The following ZBTB7C variants were observed in gnomAD, a reference collection of about 807,000 sequenced individuals.
ZBTB7C encodes zinc finger and BTB domain containing 7C.
A neutral mutation model predicts 25.7 loss-of-function variants in ZBTB7C; 8 were observed. That is an observed-to-expected ratio of 0.31 (90% CI 0.18 to 0.56). The LOEUF (loss-of-function observed/expected upper bound fraction) is 0.56. Ranked by LOEUF, ZBTB7C falls within the 20% of genes least tolerant of loss-of-function variation. ZBTB7C has a pLI of 0.91. For synonymous variants in ZBTB7C, 394 were observed against 369.0 expected, an observed-to-expected ratio of 1.07 and a Z score of -0.78; for missense variants, 824 against 855.2, an observed-to-expected ratio of 0.96 and a Z score of 0.46.
At chr18:48,269,853 G>C (rs999116280) in intron 2 of ZBTB7C, among the ~76,000 whole-genome samples, 2 of 152,162 alleles carry the variant, frequency 1.3e-5, no homozygotes, top group African/African-American at 4.8e-5. Flanking sequence ...GAGATCTCTA[G>C]TCCACACTGG....
intron 3 of ZBTB7C, among the ~76,000 whole-genome samples, chr18:48,171,248 G>A (rs1488835368): frequency 2.0e-5 from 3 of 152,170 alleles, no homozygotes; most frequent in Admixed American, 6.5e-5. Flanking sequence ...CTTCTTCCCC[G>A]AGCTGGCTGA....
chr18:48,306,408 A>G (rs1452196516), intron 2 of ZBTB7C, among the ~76,000 whole-genome samples: 1 of 152,224 alleles, frequency 6.6e-6, no homozygotes, highest in African/African-American at 2.4e-5. Context: ...CACTTTAAAC[A>G]TATGTAAGTG....
intron 3 of ZBTB7C, among the ~76,000 whole-genome samples, chr18:48,111,446 A>G (rs1351385297): frequency 6.6e-6 from 1 of 151,900 alleles, no homozygotes; most frequent in African/African-American, 2.4e-5. Context: ...ACTTTAAGAG[A>G]CTCCTTCTAT....
At chr18:48,204,314 AC>A (rs2042528578) in intron 2 of ZBTB7C, among the ~76,000 whole-genome samples, 1 of 151,466 alleles carries the variant, frequency 6.6e-6, no homozygotes, top group African/African-American at 2.4e-5. Flanking sequence ...GAACCTACCC[AC>A]CCCATTCCAC....
chr18:48,051,071 G>GT, intron 3 of ZBTB7C, among the ~76,000 whole-genome samples: 1 of 152,240 alleles, frequency 6.6e-6, no homozygotes, highest in Non-Finnish European at 1.5e-5. Flanking sequence ...GTATGAGGCT[G>GT]TATCCCCTGT....
At chr18:48,255,886 C>A (rs1005009367) in intron 2 of ZBTB7C, among the ~76,000 whole-genome samples, 1 of 152,122 alleles carries the variant, frequency 6.6e-6, no homozygotes, top group Admixed American at 6.5e-5. Flanking sequence ...TTGTTCCCTC[C>A]ACCCTCCCCT....
intron 2 of ZBTB7C, among the ~76,000 whole-genome samples, chr18:48,330,927 G>A (rs1261428859): frequency 1.3e-5 from 2 of 152,152 alleles, no homozygotes; most frequent in Non-Finnish European, 2.9e-5. Context: ...CAAGGGCAGT[G>A]TTCCAACCAA....
intron 3 of ZBTB7C, among the ~76,000 whole-genome samples, chr18:48,097,806 C>A (rs184923607): frequency 6.6e-6 from 1 of 152,274 alleles, no homozygotes; most frequent in African/African-American, 2.4e-5. Flanking sequence ...CTGTAACAAA[C>A]CTTTGTATCC....
chr18:48,217,714 A>G (rs1273218809), intron 2 of ZBTB7C, among the ~76,000 whole-genome samples: 2 of 152,002 alleles, frequency 1.3e-5, no homozygotes, highest in Admixed American at 1.3e-4. Flanking sequence ...CCACTGCCCC[A>G]ACTCACAGGG....
intron 3 of ZBTB7C, among the ~76,000 whole-genome samples, chr18:48,121,166 C>T (rs963967831): frequency 7.9e-5 from 12 of 152,200 alleles, no homozygotes; most frequent in African/African-American, 2.9e-4. Context: ...AGACAGAGAT[C>T]CAGGCCATCA....
chr18:48,134,936 G>C (rs1265568476), intron 3 of ZBTB7C, among the ~76,000 whole-genome samples: 3 of 152,182 alleles, frequency 2.0e-5, no homozygotes, highest in Non-Finnish European at 4.4e-5. Flanking sequence ...GCATCCCCTT[G>C]AACCAGGGAC....
At chr18:48,182,768 C>G (rs1227800633) in intron 3 of ZBTB7C, among the ~76,000 whole-genome samples, 2 of 152,184 alleles carry the variant, frequency 1.3e-5, no homozygotes, top group Non-Finnish European at 2.9e-5. Context: ...TGCAGGAAAT[C>G]TAAATGCACT....
intron 3 of ZBTB7C, among the ~76,000 whole-genome samples, chr18:48,129,758 C>G (rs932942726): frequency 2.2e-4 from 34 of 152,130 alleles, no homozygotes; most frequent in Non-Finnish European, 2.4e-4. Context: ...AACCCTTGGT[C>G]CCTCCTCCAC....
intron 4 of ZBTB7C, among the ~76,000 whole-genome samples, chr18:48,036,508 T>A (rs2035977774): frequency 6.6e-6 from 1 of 152,118 alleles, no homozygotes; most frequent in South Asian, 2.1e-4. Context: ...GACCCTGAGC[T>A]CTTCCCAACA....
At chr18:48,367,362 AT>A in intron 1 of ZBTB7C, among the ~76,000 whole-genome samples, 1 of 132,630 alleles carries the variant, frequency 7.5e-6, no homozygotes, top group Non-Finnish European at 1.6e-5. Context: ...ATATATATAT[AT>A]ATATATATAA....
At chr18:48,349,673 C>A (rs1177788939) in intron 1 of ZBTB7C, among the ~76,000 whole-genome samples, 1 of 152,164 alleles carries the variant, frequency 6.6e-6, no homozygotes, top group Non-Finnish European at 1.5e-5. Flanking sequence ...TCCAGCCCTA[C>A]CACCACTCAG....
intron 3 of ZBTB7C, among the ~76,000 whole-genome samples, chr18:48,140,803 G>A (rs547869153): frequency 3.3e-5 from 5 of 151,854 alleles, no homozygotes; most frequent in South Asian, 4.2e-4. Flanking sequence ...CCCCACCCGC[G>A]CCCCCAGCCA....
intron 3 of ZBTB7C, among the ~76,000 whole-genome samples, chr18:48,058,302 C>T (rs2036995599): frequency 6.6e-6 from 1 of 152,228 alleles, no homozygotes; most frequent in Non-Finnish European, 1.5e-5. Context: ...CACTTGGACG[C>T]TGTCATTTCC....
chr18:48,229,285 T>C (rs1477140893), intron 2 of ZBTB7C, among the ~76,000 whole-genome samples: 2 of 152,158 alleles, frequency 1.3e-5, no homozygotes, highest in African/African-American at 4.8e-5. Context: ...TAATCTTCCC[T>C]GGCCATGGTT....
Sources: gnomAD v4.1 joint callset for allele counts (sites outside exome capture counted in the v4.1 genomes callset) on GRCh38, gnomAD v4.1.1 for gene constraint, MANE v1.5 for transcripts, NCBI Gene and HGNC (gene_info 2026-07-23, HGNC 2026-07-21) for gene names.